The following PLBD1 variants were observed in gnomAD, a reference collection of about 807,000 sequenced individuals.
PLBD1 encodes the protein lysosomal leucine aminopeptidase.
A neutral mutation model predicts 63.0 loss-of-function variants in PLBD1; 60 were observed. The ratio of observed to expected loss-of-function variants is 0.95; its 90% confidence interval spans 0.77 to 1.18. The LOEUF (loss-of-function observed/expected upper bound fraction) is 1.18. PLBD1 is among the 50% of genes most tolerant of loss of function. PLBD1 has a pLI of 0.00. For synonymous variants in PLBD1, 262 were observed against 248.0 expected (o/e 1.06, Z -0.53); for missense variants, 598 against 677.9 (o/e 0.88, Z 1.31).
intron 4 of PLBD1, among the ~76,000 whole-genome samples, chr12:14,540,049 T>TACAC (rs1470407041): frequency 1.4e-5 from 1 of 72,704 alleles, no homozygotes; most frequent in East Asian, 7.0e-4. Flanking sequence ...TATATATATA[T>TACAC]ATATACACAC....
chr12:14,546,503 C>T (rs1592006702), intron 2 of PLBD1, among the ~76,000 whole-genome samples: 1 of 152,066 alleles, frequency 6.6e-6, no homozygotes, highest in Non-Finnish European at 1.5e-5. Flanking sequence ...TTCCAGATCC[C>T]CCACATTTTT....
rs1945298727 is a variant in PLBD1, at chr12:14,511,607, G to A, written c.949C>T (p.Pro317Ser). 6.2e-7 allele frequency: 1 copy of A among 1,614,068 alleles called. No homozygotes were observed. Among genetic ancestry groups the A allele is most frequent in the Non-Finnish European group, 8.5e-7 (1 of 1,180,038 alleles). Reference sequence around the variant, plus strand: ...CTTTGCCAGGACAGGAGAGTCTCGGGTATTACCTGCTTTAGCAGGGTTTTA... The same window carrying A: ...CTTTGCCAGGACAGGAGAGTCTCGGATATTACCTGCTTTAGCAGGGTTTTA... ...FNKTLLKQVI[P>S]ETLLSWQRVR... Residue 317 changes from proline (P) to serine (S), a missense_variant, in exon 7 of 11, where the codon CCC becomes TCC. Pro to Ser is a moderately conservative substitution (Grantham distance 74, BLOSUM62 -1). Coordinates refer to ENST00000240617, the MANE Select transcript of PLBD1 (RefSeq NM_024829.6).
intron 6 of PLBD1, 144 bp from the exon 7 acceptor site, chr12:14,511,855 G>A (rs931008071): frequency 6.8e-5 from 55 of 806,974 alleles, no homozygotes; most frequent in Non-Finnish European, 9.5e-5. Flanking sequence ...GCCTCCCCCA[G>A]CTTTGGCTCA....
intron 2 of PLBD1, among the ~76,000 whole-genome samples, chr12:14,542,723 ATTAT>A (rs781301743): frequency 3.3e-5 from 5 of 152,194 alleles, no homozygotes; most frequent in Non-Finnish European, 7.3e-5. Flanking sequence ...AATGTATAGA[ATTAT>A]TTATCATGTT....
chr12:14,540,013 C>CTTATAT (rs1555147086), intron 4 of PLBD1, among the ~76,000 whole-genome samples: 25 of 22,772 alleles, frequency 1.1e-3, no homozygotes, highest in African/African-American at 2.3e-3. Flanking sequence ...AAGCTATGCA[C>CTTATAT]ATATATATAT....
intron 6 of PLBD1, among the ~76,000 whole-genome samples, chr12:14,520,894 C>T (rs1174857688): frequency 6.6e-6 from 1 of 152,216 alleles, no homozygotes; most frequent in African/African-American, 2.4e-5. Flanking sequence ...CTGGCATTCA[C>T]ATGGCTGTAT....
At chr12:14,563,349 T>C (rs1945756696) in intron 1 of PLBD1, among the ~76,000 whole-genome samples, 1 of 151,978 alleles carries the variant, frequency 6.6e-6, no homozygotes, top group Non-Finnish European at 1.5e-5. Flanking sequence ...GTGAACCTCA[T>C]CTCTACAAAA....
intron 2 of PLBD1, among the ~76,000 whole-genome samples, chr12:14,549,821 C>T (rs1945642640): frequency 6.6e-6 from 1 of 152,102 alleles, no homozygotes; most frequent in Admixed American, 6.5e-5. Context: ...ATGCATACCA[C>T]CATGCCAGTC....
At position 14,506,401 on chromosome 12, in the gene PLBD1, T is replaced by G. The variant is rs1366265666; in HGVS notation, c.1373-133A>C. 20 of 633,152 alleles carry G rather than the reference T, an allele frequency of 3.2e-5. No individual in the cohort carries two copies. The African/African-American group carries it at 3.7e-4, about 12-fold the overall frequency. 39.2% of individuals were successfully genotyped at this position (633,152 alleles called of 1,614,324 possible). A position where few individuals can be genotyped will look rare whatever the true frequency, so the allele number is the denominator to read the frequency against. ...TCCCACAGGCCTCCTCAGCCCAGTC[T>G]GCTTCCAGATAGAGACATCTCCCTT... On this transcript the variant is annotated intron_variant, in intron 9 of 10. Coordinates refer to ENST00000240617, the MANE Select transcript of PLBD1 (RefSeq NM_024829.6).
chr12:14,520,809 T>C (rs1430240559), intron 6 of PLBD1, among the ~76,000 whole-genome samples: 2 of 152,212 alleles, frequency 1.3e-5, no homozygotes, highest in East Asian at 1.9e-4. Context: ...CCATTAAAGA[T>C]GCAAACACCT....
intron 6 of PLBD1, among the ~76,000 whole-genome samples, chr12:14,526,039 C>A (rs1045143732): frequency 3.3e-5 from 5 of 151,710 alleles, no homozygotes; most frequent in African/African-American, 1.2e-4. Flanking sequence ...TGTTATAAAA[C>A]CTTTGTTAAA....
At chr12:14,518,858 G>C (rs370607375) in intron 6 of PLBD1, among the ~76,000 whole-genome samples, 1 of 151,926 alleles carries the variant, frequency 6.6e-6, no homozygotes, top group Non-Finnish European at 1.5e-5. Context: ...TGGCCTGAAG[G>C]TTAGTAAAAC....
chr12:14,532,213 T>C (rs1234397184), intron 6 of PLBD1, among the ~76,000 whole-genome samples: 2 of 151,842 alleles, frequency 1.3e-5, no homozygotes, highest in East Asian at 1.9e-4. Context: ...CCCAAGACAG[T>C]AGGAAGTCAC....
intron 6 of PLBD1, among the ~76,000 whole-genome samples, chr12:14,529,576 AT>A (rs984676395): frequency 6.6e-6 from 1 of 152,216 alleles, no homozygotes; most frequent in African/African-American, 2.4e-5. Context: ...TGCAACACTC[AT>A]TTATTGATAA....
chr12:14,511,249 G>A lies in PLBD1; in HGVS notation c.1186+11C>T. On this transcript the variant is annotated intron_variant, in intron 8 of 10. Coordinates refer to ENST00000240617, the MANE Select transcript of PLBD1 (RefSeq NM_024829.6). ...CATCAGGTTTTAAGACTTACGACAT[G>A]AAGAAAGTACCTTTCCGTAGAACAT... The A allele has an allele frequency of 6.4e-7, 1 of 1,556,064 alleles. No individual in the cohort carries two copies. The highest frequency in any genetic ancestry group is 1.2e-5 in the South Asian group (1 of 83,766).
At chr12:14,533,043 A>G (rs1945478590) in intron 6 of PLBD1, 1 of 152,098 alleles carries the variant, frequency 6.6e-6, no homozygotes, top group Non-Finnish European at 1.5e-5. Context: ...AATTTCCTCA[A>G]TCTCCACTTT....
intron 6 of PLBD1, among the ~76,000 whole-genome samples, chr12:14,531,992 C>A (rs1203337888): frequency 6.6e-6 from 1 of 152,162 alleles, no homozygotes; most frequent in Non-Finnish European, 1.5e-5. Context: ...AGGCTAAAAG[C>A]CCCAGGAAAA....
At chr12:14,505,184 A>T (rs1945243734) in intron 10 of PLBD1, among the ~76,000 whole-genome samples, 1 of 151,650 alleles carries the variant, frequency 6.6e-6, no homozygotes. Context: ...AGCTAAAAAG[A>T]AGGTTGAGCT....
chr12:14,524,406 ACTGTCCC>A (rs1292941842), intron 6 of PLBD1, among the ~76,000 whole-genome samples: 1 of 152,216 alleles, frequency 6.6e-6, no homozygotes, highest in Admixed American at 6.5e-5. Flanking sequence ...AAAACATCAC[ACTGTCCC>A]CTATAAATAT....
Sources: gnomAD v4.1 joint callset for allele counts (sites outside exome capture counted in the v4.1 genomes callset) on GRCh38, gnomAD v4.1.1 for gene constraint, MANE v1.5 for transcripts, NCBI Gene and HGNC (gene_info 2026-07-23, HGNC 2026-07-21) for gene names.